RAI14: variants seen among roughly 807,000 people sequenced by gnomAD.
RAI14 encodes retinoic acid induced 14.
Under a neutral mutation model 115.4 loss-of-function variants are expected in RAI14, and 45 were observed. That is an observed-to-expected ratio of 0.39 (90% CI 0.31 to 0.50). The LOEUF is 0.50. Ranked by LOEUF, RAI14 falls within the 20% of genes least tolerant of loss-of-function variation. The probability of loss-of-function intolerance (pLI) is 0.85; values close to 1 mark genes in which losing one functional copy is unlikely to be tolerated. For synonymous variants in RAI14, 371 were observed against 415.4 expected (o/e 0.89, Z 1.30); for missense variants, 939 against 1,131.2 (o/e 0.83, Z 2.44).
Position 34,824,026 on chromosome 5 carries a change from C to T in RAI14, c.2184C>T (p.Val728=). 6.2e-7 allele frequency: 1 copy of T among 1,614,088 alleles called. No individual in the cohort carries two copies. Residue 728 remains valine, a synonymous_variant, in exon 15 of 18, where the codon GTC becomes GTT. Coordinates refer to ENST00000265109, the MANE Select transcript of RAI14 (RefSeq NM_015577.3). ...QLVDAQKENS[V]SITEHLQVIT... ...TGGATGCACAAAAAGAGAACTCTGT[C>T]TCTATCACAGAACATTTGCAAGTGA...
chr5:34,722,159 C>T (rs903888019), intron 2 of RAI14, among the ~76,000 whole-genome samples: 1 of 151,044 alleles, frequency 6.6e-6, no homozygotes, highest in African/African-American at 2.4e-5. Flanking sequence ...CCCGCCCACC[C>T]CCAAAGTGAT....
At chr5:34,770,312 CT>C (rs778058595) in intron 3 of RAI14, among the ~76,000 whole-genome samples, 1 of 152,292 alleles carries the variant, frequency 6.6e-6, no homozygotes, top group East Asian at 1.9e-4. Context: ...AGAAAAATAT[CT>C]GTTTATGCCA....
intron 5 of RAI14, among the ~76,000 whole-genome samples, chr5:34,805,423 C>T (rs1754758169): frequency 6.6e-6 from 1 of 152,218 alleles, no homozygotes; most frequent in Non-Finnish European, 1.5e-5. Flanking sequence ...TCCCTGGGCT[C>T]TCCAGGCTTT....
At chr5:34,660,347 G>T (rs756129455) in intron 1 of RAI14, among the ~76,000 whole-genome samples, 1 of 152,170 alleles carries the variant, frequency 6.6e-6, no homozygotes, top group Non-Finnish European at 1.5e-5. Flanking sequence ...CAGATGAATC[G>T]CTTGAACCTG....
chr5:34,795,227 C>A (rs761616490), intron 3 of RAI14, among the ~76,000 whole-genome samples: 2 of 152,228 alleles, frequency 1.3e-5, no homozygotes, highest in Non-Finnish European at 2.9e-5. Context: ...ATGGTTTGTG[C>A]TCCCAAGTTT....
At chr5:34,687,772 A>G in intron 2 of RAI14, 3 of 1,534,190 alleles carry the variant, frequency 2.0e-6, no homozygotes, top group Non-Finnish European at 2.7e-6. Flanking sequence ...CAGGCGAGGT[A>G]ATTAAAGATG....
In RAI14 at chr5:34,765,353, A is replaced by T. The variant is rs181958906; in HGVS notation, c.167+7755A>T. Among the ~76,000 whole-genome samples the T allele has an allele frequency of 4.4e-3, 677 of 152,290 alleles. 12 individuals carry two copies. The highest frequency in any genetic ancestry group is 0.015 in the African/African-American group (620 of 41,574). On this transcript the variant is annotated intron_variant, in intron 3 of 17. Coordinates refer to ENST00000265109, the MANE Select transcript of RAI14 (RefSeq NM_015577.3). ...TGGGAAGGTTTGGAACTTCCTAGAG[A>T]CTTGTTGAATGGCTTTGCCCAGAAT...
At chr5:34,788,556 A>G (rs1449852830) in intron 3 of RAI14, among the ~76,000 whole-genome samples, 1 of 152,218 alleles carries the variant, frequency 6.6e-6, no homozygotes, top group Non-Finnish European at 1.5e-5. Context: ...TAGTAAATAT[A>G]TGAATGAGTA....
At chr5:34,717,204 T>C (rs562927265) in intron 2 of RAI14, among the ~76,000 whole-genome samples, 1 of 152,332 alleles carries the variant, frequency 6.6e-6, no homozygotes, top group Admixed American at 6.5e-5. Context: ...AGACTATTTA[T>C]TTTAAAGAGT....
chr5:34,813,521 C>G, intron 10 of RAI14, 53 bp from the exon 11 acceptor site: 1 of 1,350,002 alleles, frequency 7.4e-7, no homozygotes, highest in East Asian at 2.3e-5. Flanking sequence ...CTTGCCCAGA[C>G]TTTACTAACC....
intron 2 of RAI14, among the ~76,000 whole-genome samples, chr5:34,703,326 T>C (rs950421571): frequency 6.6e-6 from 1 of 152,218 alleles, no homozygotes. Context: ...TTTAAGGATA[T>C]TCAGCATAAA....
intron 2 of RAI14, among the ~76,000 whole-genome samples, chr5:34,742,597 G>A (rs906355670): frequency 2.6e-5 from 4 of 151,992 alleles, no homozygotes; most frequent in African/African-American, 9.7e-5. Flanking sequence ...AACATTTGAC[G>A]TGTGCAGCAG....
intron 3 of RAI14, among the ~76,000 whole-genome samples, chr5:34,759,460 C>T (rs1304951808): frequency 3.3e-5 from 5 of 152,150 alleles, no homozygotes; most frequent in Admixed American, 1.3e-4. Flanking sequence ...ATCTGAGCTC[C>T]GCCTCCTGTC....
At chr5:34,696,035 G>A (rs1033842267) in intron 2 of RAI14, among the ~76,000 whole-genome samples, 2 of 152,218 alleles carry the variant, frequency 1.3e-5, no homozygotes, top group Non-Finnish European at 2.9e-5. Flanking sequence ...TCCCAGGCTG[G>A]TTTTGAACTC....
At chr5:34,760,103 C>T (rs1354736339) in intron 3 of RAI14, among the ~76,000 whole-genome samples, 2 of 139,148 alleles carry the variant, frequency 1.4e-5, no homozygotes, top group Non-Finnish European at 2.9e-5. Flanking sequence ...GGCTGGAGTA[C>T]AGTGGCGTGA....
At chr5:34,715,556 C>G (rs1314271138) in intron 2 of RAI14, among the ~76,000 whole-genome samples, 1 of 152,158 alleles carries the variant, frequency 6.6e-6, no homozygotes, top group East Asian at 1.9e-4. Context: ...GTTCCCTGCC[C>G]CAAAAGGCTC....
At chr5:34,695,638 T>C (rs969335076) in intron 2 of RAI14, among the ~76,000 whole-genome samples, 7 of 152,250 alleles carry the variant, frequency 4.6e-5, no homozygotes, top group Non-Finnish European at 8.8e-5. Context: ...CATGCTACTA[T>C]TCAGGACATA....
Position 34,803,758 on chromosome 5 carries a change from C to G in RAI14, c.303C>G (p.Cys101Trp). The G allele has an allele frequency of 6.2e-7, 1 of 1,612,338 alleles. No homozygotes were observed. The highest frequency in any genetic ancestry group is 8.5e-7 in the Non-Finnish European group (1 of 1,179,184). Reference sequence around the variant, plus strand: ...CAGCCAAGAACAGCCACCATGAATGCATCAGGAAGCTGCTTCAGGTAAGCT... The same window carrying G: ...CAGCCAAGAACAGCCACCATGAATGGATCAGGAAGCTGCTTCAGGTAAGCT... ...HLAAKNSHHE[C>W]IRKLLQSKCP... The change falls in exon 5 of 18, where the codon TGC (cysteine) becomes TGG (tryptophan). Residue 101 changes from cysteine (C) to tryptophan (W), a missense_variant. Transcript: ENST00000265109.
chr5:34,811,731 T>A lies in RAI14; in HGVS notation c.558-36T>A, dbSNP rs1442847884. 3.9e-6 allele frequency: 6 copies of A among 1,555,896 alleles called. No individual in the cohort carries two copies. The African/African-American group carries it at 4.1e-5, about 11-fold the overall frequency. On this transcript the variant is annotated intron_variant, in intron 8 of 17. Transcript: ENST00000265109. Reference sequence around the variant, plus strand: ...TTCCCAAGAAAGACTTTTTACATTCTCTTAGTACTAATTTTGTGTCTCTTT... The same window carrying A: ...TTCCCAAGAAAGACTTTTTACATTCACTTAGTACTAATTTTGTGTCTCTTT...
Sources: allele counts gnomAD v4.1 joint callset (sites outside exome capture counted in the v4.1 genomes callset), GRCh38; gene constraint gnomAD v4.1.1; transcripts MANE v1.5; gene names NCBI Gene and HGNC (gene_info 2026-07-23, HGNC 2026-07-21).